EYS: variants seen among roughly 807,000 people sequenced by gnomAD.
EYS encodes the protein protein eyes shut homolog.
In EYS, 250 loss-of-function variants were observed where a neutral mutation model predicts 282.1. The observed-to-expected ratio is 0.89, with a 90% CI of 0.80 to 0.98. EYS has a LOEUF of 0.98. Among genes scored for constraint, EYS ranks in the 50% least tolerant of loss-of-function variants. EYS has a pLI of 0.00. For synonymous variants in EYS, 1,355 were observed against 1,282.9 expected, an observed-to-expected ratio of 1.06 and a Z score of -1.20; for missense variants, 4,016 against 3,709.0, an observed-to-expected ratio of 1.08 and a Z score of -2.15.
intron 26 of EYS, among the ~76,000 whole-genome samples, chr6:64,477,988 TC>T (rs1220714940): frequency 6.6e-6 from 1 of 152,092 alleles, no homozygotes; most frequent in Non-Finnish European, 1.5e-5. Context: ...TCATTACCAT[TC>T]ATCTCACTCC....
intron 19 of EYS, among the ~76,000 whole-genome samples, chr6:64,831,419 T>C (rs1765212306): frequency 6.6e-6 from 1 of 151,966 alleles, no homozygotes; most frequent in African/African-American, 2.4e-5. Flanking sequence ...ATTAGAATAT[T>C]ATATCTGTTT....
chr6:64,662,061 C>G (rs370155567), intron 22 of EYS, among the ~76,000 whole-genome samples: 2 of 151,242 alleles, frequency 1.3e-5, no homozygotes, highest in African/African-American at 2.4e-5. Flanking sequence ...CCATAAAAAA[C>G]GATGAGTTCA....
intron 33 of EYS, among the ~76,000 whole-genome samples, chr6:64,044,055 T>G (rs116388675): frequency 1.2e-4 from 19 of 152,320 alleles, no homozygotes; most frequent in African/African-American, 4.3e-4. Context: ...GAGGCACATG[T>G]TCAGTTAGCT....
intron 8 of EYS, among the ~76,000 whole-genome samples, chr6:65,380,241 CA>C (rs537559813): frequency 5.7e-4 from 87 of 152,132 alleles, no homozygotes; most frequent in African/African-American, 1.9e-3. Context: ...ACACAGTAAC[CA>C]AAACAGCATG....
chr6:65,489,394 A>C, intron 5 of EYS: 1 of 152,230 alleles, frequency 6.6e-6, no homozygotes, highest in Non-Finnish European at 1.5e-5. Flanking sequence ...ATCACTGGTC[A>C]TTAGAGAAAT....
chr6:65,328,354 C>T (rs151142878), intron 11 of EYS, among the ~76,000 whole-genome samples: 37 of 151,444 alleles, frequency 2.4e-4, no homozygotes, highest in East Asian at 7.8e-4. Context: ...TGTACTAGTA[C>T]GTCTAGCATT....
chr6:65,271,594 A>G (rs1767906608), intron 12 of EYS, among the ~76,000 whole-genome samples: 1 of 151,592 alleles, frequency 6.6e-6, no homozygotes, highest in Admixed American at 6.6e-5. Flanking sequence ...ATTATTTTTT[A>G]TTTTTTTAGT....
intron 12 of EYS, among the ~76,000 whole-genome samples, chr6:65,236,033 T>C (rs1246287315): frequency 6.6e-6 from 1 of 152,130 alleles, no homozygotes; most frequent in Non-Finnish European, 1.5e-5. Context: ...TTGAATTATG[T>C]GCACCTCTTA....
At chr6:65,117,162 T>A (rs1272791846) in intron 12 of EYS, among the ~76,000 whole-genome samples, 1 of 152,120 alleles carries the variant, frequency 6.6e-6, no homozygotes, top group Admixed American at 6.5e-5. Flanking sequence ...AGGTCACAGG[T>A]TTTTACCATA....
intron 22 of EYS, among the ~76,000 whole-genome samples, chr6:64,792,803 C>T (rs770599627): frequency 6.0e-5 from 9 of 150,428 alleles, no homozygotes; most frequent in Non-Finnish European, 8.9e-5. Flanking sequence ...CTCCCTGTTT[C>T]GGTCTCTGAC....
At chr6:64,507,013 G>C (rs1777233417) in intron 26 of EYS, among the ~76,000 whole-genome samples, 1 of 134,242 alleles carries the variant, frequency 7.4e-6, no homozygotes, top group South Asian at 2.3e-4. Context: ...TCTGGAATAT[G>C]AAAAATCTTT....
chr6:65,339,891 A>T, intron 10 of EYS, among the ~76,000 whole-genome samples: 1 of 151,198 alleles, frequency 6.6e-6, no homozygotes, highest in Non-Finnish European at 1.5e-5. Flanking sequence ...TATACATTTC[A>T]AAAAGGCAGA....
chr6:65,355,485 C>T (rs72886735), intron 8 of EYS, among the ~76,000 whole-genome samples: 19,914 of 152,036 alleles, frequency 0.13, 1,732 homozygotes, highest in Non-Finnish European at 0.2. Flanking sequence ...CTTGATTAAC[C>T]TAAAATGCTT....
chr6:64,905,611 C>A (rs1429654411), intron 16 of EYS, among the ~76,000 whole-genome samples: 2 of 152,118 alleles, frequency 1.3e-5, no homozygotes, highest in African/African-American at 4.8e-5. Context: ...ATTTTTAAAA[C>A]CTACTGCTCA....
At chr6:65,331,535 G>A (rs1769797965) in intron 11 of EYS, 1 of 962,204 alleles carries the variant, frequency 1.0e-6, no homozygotes, top group Admixed American at 6.2e-5. Flanking sequence ...TATTAATTAT[G>A]AGACAATATC....
rs1205229804 is a variant in EYS, at chr6:65,598,246, C to CA, written c.-333+41531_-333+41532insT. Among the ~76,000 whole-genome samples, 6 of 90,626 alleles carry CA rather than the reference C, an allele frequency of 6.6e-5. 1 individual carries two copies. The East Asian group carries it at 1.7e-3, about 26-fold the overall frequency. The allele number at this position is 90,626 out of a possible 152,430, so 59.5% of individuals were successfully genotyped here. ...GACCCTCCTCCCCACCCACCCCCCC[C>CA]CCAAAAAAAAAAACAAAAACTTTTC... On this transcript the variant is annotated intron_variant, in intron 2 of 42. Transcript: ENST00000503581.
intron 18 of EYS, among the ~76,000 whole-genome samples, chr6:64,897,112 G>T (rs1767499831): frequency 6.6e-6 from 1 of 152,132 alleles, no homozygotes; most frequent in African/African-American, 2.4e-5. Flanking sequence ...TCTGCTAAGG[G>T]ACAGACTGCC....
chr6:65,439,073 G>A (rs1768198024), intron 5 of EYS, among the ~76,000 whole-genome samples: 1 of 152,052 alleles, frequency 6.6e-6, no homozygotes, highest in Non-Finnish European at 1.5e-5. Context: ...TTCCACATAT[G>A]GCTAGCCAGT....
chr6:65,006,874 A>C (rs1296318801), intron 13 of EYS, among the ~76,000 whole-genome samples: 3 of 152,236 alleles, frequency 2.0e-5, no homozygotes, highest in Admixed American at 2.0e-4. Context: ...TTACAGAATC[A>C]AAAGACTATC....
Sources: allele counts gnomAD v4.1 joint callset (sites outside exome capture counted in the v4.1 genomes callset), GRCh38; gene constraint gnomAD v4.1.1; transcripts MANE v1.5; gene names NCBI Gene and HGNC (gene_info 2026-07-23, HGNC 2026-07-21).